The following RBBP8 variants were observed in gnomAD, a reference collection of about 807,000 sequenced individuals.
RBBP8 encodes DNA endonuclease RBBP8.
RBBP8 carries 88 observed loss-of-function variants against 108.3 expected under a neutral mutation model. The observed-to-expected ratio is 0.81, with a 90% CI of 0.68 to 0.97. The LOEUF (loss-of-function observed/expected upper bound fraction) is 0.97, where lower values mean the gene tolerates loss of function less well. RBBP8 is among the 50% of genes least tolerant of loss of function. The probability of loss-of-function intolerance (pLI) is 0.00; values close to 1 mark genes in which losing one functional copy is unlikely to be tolerated. For missense variants in RBBP8, 1,023 were observed against 1,049.0 expected, an observed-to-expected ratio of 0.98 and a Z score of 0.34; for synonymous variants, 332 against 348.2, an observed-to-expected ratio of 0.95 and a Z score of 0.52.
intron 8 of RBBP8, among the ~76,000 whole-genome samples, chr18:22,987,958 C>G (rs759050854): frequency 3.3e-5 from 5 of 152,236 alleles, no homozygotes; most frequent in Admixed American, 6.5e-5. Context: ...GTCAAACCAA[C>G]TCTTCATCCT....
chr18:22,930,364 A>G (rs1002573569), upstream of RBBP8, among the ~76,000 whole-genome samples: 8 of 152,216 alleles, frequency 5.3e-5, no homozygotes, highest in African/African-American at 1.9e-4. Context: ...ATTACAATAT[A>G]TAACACAAGT....
chr18:22,979,407 C>T (rs916073530), intron 6 of RBBP8, among the ~76,000 whole-genome samples: 1 of 151,748 alleles, frequency 6.6e-6, no homozygotes. Context: ...AGGATTAAAG[C>T]CTACAAATAA....
In RBBP8 at chr18:23,001,741, TTC is replaced by T. The variant is rs747307811; in HGVS notation, c.2287+14_2287+15del. ...AAAGAAACTACACAGTAAGATTTTT[TTC>T]TGTTTAATTATGGCTTCTCAGTTGC... On this transcript the variant is annotated intron_variant, in intron 15 of 18. Transcript: ENST00000327155. 9.9e-6 allele frequency: 16 copies of T among 1,613,994 alleles called. No homozygotes were observed. The highest frequency in any genetic ancestry group is 2.7e-5 in the African/African-American group (2 of 74,944).
At chr18:22,988,890 G>A (rs190984423) in intron 8 of RBBP8, among the ~76,000 whole-genome samples, 1 of 152,306 alleles carries the variant, frequency 6.6e-6, no homozygotes, top group Admixed American at 6.5e-5. Context: ...TATTCATGCT[G>A]TAACATAAGT....
At chr18:22,988,239 TC>T (rs1244652823) in intron 8 of RBBP8, among the ~76,000 whole-genome samples, 2 of 152,226 alleles carry the variant, frequency 1.3e-5, no homozygotes, top group Non-Finnish European at 2.9e-5. Context: ...TAATACCTTT[TC>T]AGCCCACACA....
chr18:23,023,139 C>A (rs568509081), intron 18 of RBBP8, among the ~76,000 whole-genome samples: 134 of 152,100 alleles, frequency 8.8e-4, no homozygotes, highest in African/African-American at 3.1e-3. Flanking sequence ...CTCAAGTGGT[C>A]CTCCTGCCTT....
intron 9 of RBBP8, 61 bp downstream of exon 9, chr18:22,989,379 C>G: frequency 8.2e-7 from 1 of 1,221,014 alleles, no homozygotes; most frequent in Admixed American, 1.7e-5. Flanking sequence ...TAGGTCAGTT[C>G]TTAGAGAATT....
intron 15 of RBBP8, among the ~76,000 whole-genome samples, chr18:23,004,056 C>CAA (rs34653966): frequency 2.9e-4 from 20 of 69,648 alleles, no homozygotes; most frequent in East Asian, 1.7e-3. Context: ...GACCCCGTCT[C>CAA]AAAAAAAAAA....
upstream of RBBP8, chr18:22,929,479 TGTGTGTGTGTGTGTGTGTGTGTGTGTGTG>T (rs1376383016): frequency 5.3e-4 from 3 of 5,642 alleles, no homozygotes; most frequent in Non-Finnish European, 9.1e-4. Flanking sequence ...TGTGTGTGTG[TGTGTGTGTGTGTGTGTGTGTGTGTGTGTG>T]TGAAGAGACA....
rs779041712 is a variant in RBBP8 at position 22,975,232 on chromosome 18, C to G, written c.428+13C>G. On this transcript the variant is annotated intron_variant, in intron 6 of 18. Coordinates refer to ENST00000327155, the MANE Select transcript of RBBP8 (RefSeq NM_002894.3). ...AGCAGAAAATTGAGTAAGTATTTTC[C>G]TCCAACCTTGTTATTTTATTTTATT... is the stretch of plus-strand genomic sequence containing the variant. 6.2e-6 allele frequency: 10 copies of G among 1,611,754 alleles called. No individual in the cohort carries two copies. The highest frequency in any genetic ancestry group is 8.5e-6 in the Non-Finnish European group (10 of 1,178,876).
At chr18:23,010,472 T>C (rs2046138028) in intron 16 of RBBP8, among the ~76,000 whole-genome samples, 1 of 151,906 alleles carries the variant, frequency 6.6e-6, no homozygotes, top group South Asian at 2.1e-4. Context: ...TGATGGTGTG[T>C]GCCTATAGTC....
At chr18:22,914,859 G>A (rs1383120239) in intron 1 of RBBP8, among the ~76,000 whole-genome samples, 4 of 152,160 alleles carry the variant, frequency 2.6e-5, no homozygotes, top group African/African-American at 9.7e-5. Flanking sequence ...AGCACTTGCT[G>A]AGCTGAATAG....
chr18:22,935,320 C>T (rs1910455871), intron 1 of RBBP8, among the ~76,000 whole-genome samples: 1 of 146,190 alleles, frequency 6.8e-6, no homozygotes, highest in South Asian at 2.2e-4. Flanking sequence ...TCAAGCAAAT[C>T]GCAGAGTATA....
chr18:22,952,723 T>C (rs1046714470), intron 4 of RBBP8, among the ~76,000 whole-genome samples: 8 of 152,162 alleles, frequency 5.3e-5, no homozygotes, highest in Admixed American at 2.0e-4. Context: ...TAGTTACTCA[T>C]CTGTAGTGTG....
At position 22,956,734 on chromosome 18, in the gene RBBP8, A is replaced by G. The variant is rs1912584069; in HGVS notation, c.248+7021A>G. ...GGGAAAACACTGAGATATTTCAATG[A>G]AGGGAATTACCTAGTAAAAGTAAAT... On this transcript the variant is annotated intron_variant, in intron 4 of 18. Coordinates refer to ENST00000327155, the MANE Select transcript of RBBP8 (RefSeq NM_002894.3). Among the ~76,000 whole-genome samples, 4 of 152,346 alleles carry G rather than the reference A, an allele frequency of 2.6e-5. No individual in the cohort carries two copies. The South Asian group carries it at 8.3e-4, about 32-fold the overall frequency.
chr18:22,971,552 G>T (rs1204378564), intron 5 of RBBP8, among the ~76,000 whole-genome samples: 1 of 151,094 alleles, frequency 6.6e-6, no homozygotes, highest in African/African-American at 2.4e-5. Flanking sequence ...GCCAAGTTTT[G>T]CTTAATTGTG....
intron 8 of RBBP8, among the ~76,000 whole-genome samples, chr18:22,987,476 C>CT (rs1567979604): frequency 3.3e-5 from 5 of 152,006 alleles, no homozygotes; most frequent in African/African-American, 1.2e-4. Context: ...TTTTTTGAGA[C>CT]GGGGTCTGTC....
At chr18:22,937,040 G>A (rs1240944616) in intron 2 of RBBP8, 80 bp downstream of exon 2, 9 of 1,584,502 alleles carry the variant, frequency 5.7e-6, no homozygotes, top group Admixed American at 1.8e-5. Context: ...TGACAGTCCT[G>A]TTTATTATTT....
At chr18:22,984,781 C>A in intron 7 of RBBP8, 105 bp from the exon 8 acceptor site, 1 of 636,266 alleles carries the variant, frequency 1.6e-6, no homozygotes, top group Non-Finnish European at 2.7e-6. Flanking sequence ...GATTTAAATA[C>A]AGATAATACA....
Sources: allele counts gnomAD v4.1 joint callset (sites outside exome capture counted in the v4.1 genomes callset), GRCh38; gene constraint gnomAD v4.1.1; transcripts MANE v1.5; gene names NCBI Gene and HGNC (gene_info 2026-07-23, HGNC 2026-07-21).